The following SLC9A9 variants were observed in gnomAD, a reference collection of about 807,000 sequenced individuals.
The protein encoded by SLC9A9 is solute carrier family 9 member A9, also known as sodium/hydrogen exchanger 9.
SLC9A9 carries 62 observed loss-of-function variants against 77.8 expected under a neutral mutation model. The ratio of observed to expected loss-of-function variants is 0.80; its 90% CI spans 0.65 to 0.98. SLC9A9 has a LOEUF of 0.98. Ranked by LOEUF, SLC9A9 falls within the 50% of genes least tolerant of loss-of-function variation. The pLI is 0.00. For missense variants in SLC9A9, 775 were observed against 774.9 expected (o/e 1.00, Z 0.00); for synonymous variants, 320 against 283.5 (o/e 1.13, Z -1.29).
chr3:143,347,492 T>G (rs1215015451), intron 14 of SLC9A9, among the ~76,000 whole-genome samples: 1 of 152,186 alleles, frequency 6.6e-6, no homozygotes, highest in Non-Finnish European at 1.5e-5. Flanking sequence ...CATTTTTGGC[T>G]AAACCAGAAA....
chr3:143,409,108 G>A (rs1475952980), intron 12 of SLC9A9, among the ~76,000 whole-genome samples: 2 of 152,186 alleles, frequency 1.3e-5, no homozygotes, highest in African/African-American at 4.8e-5. Context: ...TCTTTTCCTG[G>A]AGCATGAATT....
intron 14 of SLC9A9, among the ~76,000 whole-genome samples, chr3:143,335,506 T>C (rs2108458813): frequency 6.6e-6 from 1 of 152,280 alleles, no homozygotes. Flanking sequence ...TTCGTAATTC[T>C]TGATTTCAAA....
chr3:143,486,600 A>T (rs527356702), intron 11 of SLC9A9, among the ~76,000 whole-genome samples: 130 of 152,224 alleles, frequency 8.5e-4, no homozygotes, highest in Non-Finnish European at 1.6e-3. Flanking sequence ...TTGGGAACAC[A>T]ATGTATAAAG....
At chr3:143,530,066 C>T (rs72999703) in intron 9 of SLC9A9, among the ~76,000 whole-genome samples, 3,098 of 152,218 alleles carry the variant, frequency 0.02, 103 homozygotes, top group African/African-American at 0.071. Flanking sequence ...AAGCTATTGA[C>T]GTTGTAGCAT....
chr3:143,667,556 G>C (rs7627046), intron 5 of SLC9A9, among the ~76,000 whole-genome samples: 107,671 of 152,078 alleles, frequency 0.71, 39,543 homozygotes, highest in Non-Finnish European at 0.8. Context: ...CCTACAGAAT[G>C]GGAGAAAATT....
chr3:143,543,964 T>C (rs1329194890), intron 9 of SLC9A9, among the ~76,000 whole-genome samples: 3 of 152,210 alleles, frequency 2.0e-5, no homozygotes, highest in Non-Finnish European at 4.4e-5. Flanking sequence ...CTAAACTGCT[T>C]TCCATGGTGG....
At chr3:143,586,357 T>C (rs1296082140) in intron 6 of SLC9A9, among the ~76,000 whole-genome samples, 1 of 151,790 alleles carries the variant, frequency 6.6e-6, no homozygotes, top group Non-Finnish European at 1.5e-5. Flanking sequence ...GTGGGAGTGC[T>C]TCTAGTTTCT....
chr3:143,457,521 CT>C (rs2035115319), intron 12 of SLC9A9, among the ~76,000 whole-genome samples: 1 of 152,108 alleles, frequency 6.6e-6, no homozygotes, highest in African/African-American at 2.4e-5. Context: ...TTAGTTCACT[CT>C]CTCAATGTTC....
chr3:143,721,477 G>A (rs780179517), intron 4 of SLC9A9, among the ~76,000 whole-genome samples: 2 of 152,088 alleles, frequency 1.3e-5, no homozygotes, highest in Non-Finnish European at 2.9e-5. Flanking sequence ...CTGAAATCTC[G>A]GTGGTGCCTG....
intron 8 of SLC9A9, among the ~76,000 whole-genome samples, chr3:143,559,976 T>C (rs572069016): frequency 1.6e-4 from 24 of 151,772 alleles, no homozygotes; most frequent in Non-Finnish European, 3.1e-4. Context: ...CCACTTTGCC[T>C]TGCCTGTTCT....
chr3:143,757,092 G>A (rs1222579901), intron 4 of SLC9A9, among the ~76,000 whole-genome samples: 1 of 152,122 alleles, frequency 6.6e-6, no homozygotes, highest in Non-Finnish European at 1.5e-5. Flanking sequence ...AAAGTTCTTT[G>A]CAGTGTCCCA....
At chr3:143,370,565 G>GCACACACACACACACACA (rs1400523794) in intron 13 of SLC9A9, among the ~76,000 whole-genome samples, 29 of 38,400 alleles carry the variant, frequency 7.6e-4, no homozygotes, top group African/African-American at 3.4e-3. Context: ...ATGCATGTGC[G>GCACACACACACACACACA]CGCACACACA....
At chr3:143,349,110 C>G (rs1366627591) in intron 14 of SLC9A9, among the ~76,000 whole-genome samples, 5 of 152,198 alleles carry the variant, frequency 3.3e-5, no homozygotes, top group African/African-American at 1.2e-4. Context: ...ACTCTCTGCC[C>G]CCAGCTACTG....
chr3:143,724,109 C>T (rs966628323), intron 4 of SLC9A9, among the ~76,000 whole-genome samples: 2 of 152,194 alleles, frequency 1.3e-5, no homozygotes, highest in Admixed American at 6.5e-5. Context: ...TCTGTGTCCC[C>T]ACCCAAATCT....
At chr3:143,555,265 T>A (rs1001369363) in intron 8 of SLC9A9, among the ~76,000 whole-genome samples, 2 of 152,206 alleles carry the variant, frequency 1.3e-5, no homozygotes, top group African/African-American at 4.8e-5. Context: ...CCTTCCACCA[T>A]GATTGTGAGG....
chr3:143,606,428 CTCTCTCTCTATATA>C lies in SLC9A9; in HGVS notation c.756-27719_756-27706del, dbSNP rs1267443790. Among the ~76,000 whole-genome samples, 632 of 69,882 alleles carry C rather than the reference CTCTCTCTCTATATA, an allele frequency of 9.0e-3. 9 individuals are homozygous for C. Among genetic ancestry groups the C allele is most frequent in the African/African-American group, 0.031 (596 of 18,990 alleles). The allele number at this position is 69,882 out of a possible 152,430, so 45.8% of individuals were successfully genotyped here. A position where few individuals can be genotyped will look rare whatever the true frequency, so the allele number is the denominator to read the frequency against. On this transcript the variant is annotated intron_variant, in intron 6 of 15. Coordinates refer to ENST00000316549, the MANE Select transcript of SLC9A9 (RefSeq NM_173653.4). ...TCTCTCTCTCTCTCTCTCTCTCTCT[CTCTCTCTCTATATA>C]TATATATATATATATATATGTATAT...
At chr3:143,316,558 T>C (rs535028475) in intron 14 of SLC9A9, among the ~76,000 whole-genome samples, 1 of 152,288 alleles carries the variant, frequency 6.6e-6, no homozygotes, top group South Asian at 2.1e-4. Context: ...GCCTTGGGGA[T>C]ATACCTTTAG....
At chr3:143,305,769 T>C (rs2030752370) in intron 14 of SLC9A9, among the ~76,000 whole-genome samples, 1 of 152,140 alleles carries the variant, frequency 6.6e-6, no homozygotes, top group South Asian at 2.1e-4. Flanking sequence ...AAAAAAGAAA[T>C]GACTGAAGAT....
chr3:143,636,303 T>C (rs1400839549), intron 6 of SLC9A9, among the ~76,000 whole-genome samples: 1 of 152,216 alleles, frequency 6.6e-6, no homozygotes, highest in Admixed American at 6.5e-5. Context: ...TTATCATTAA[T>C]TGTTGCTGAA....
Sources: allele counts gnomAD v4.1 joint callset (sites outside exome capture counted in the v4.1 genomes callset), GRCh38; gene constraint gnomAD v4.1.1; transcripts MANE v1.5; gene names NCBI Gene and HGNC (gene_info 2026-07-23, HGNC 2026-07-21).